Variants in RORA observed in about 807,000 individuals in gnomAD.
The protein encoded by RORA is RAR related orphan receptor A, also known as nuclear receptor ROR-alpha.
Under a neutral mutation model 69.5 loss-of-function variants are expected in RORA, and 7 were observed. The ratio of observed to expected loss-of-function variants is 0.10; its 90% CI spans 0.06 to 0.19. RORA has a LOEUF of 0.19. Among genes scored for constraint, RORA ranks in the 10% least tolerant of loss-of-function variants. The pLI, the probability that RORA is intolerant of heterozygous loss-of-function variation, is 1.00. For missense variants in RORA, 457 were observed against 663.0 expected (o/e 0.69, Z 3.41); for synonymous variants, 261 against 240.8 (o/e 1.08, Z -0.78).
At chr15:60,734,723 A>C (rs2071476139) in intron 1 of RORA, among the ~76,000 whole-genome samples, 1 of 152,228 alleles carries the variant, frequency 6.6e-6, no homozygotes, top group Non-Finnish European at 1.5e-5. Context: ...AACATGCTGC[A>C]GAAAGATACA....
At chr15:61,108,194 C>T (rs1347667410) in intron 1 of RORA, among the ~76,000 whole-genome samples, 1 of 152,088 alleles carries the variant, frequency 6.6e-6, no homozygotes, top group African/African-American at 2.4e-5. Flanking sequence ...TCCCTAGTAC[C>T]GATCCTGATC....
Position 60,505,601 on chromosome 15 carries a change from C to A in RORA, c.849G>T (p.Ser283=). The A allele has an allele frequency of 6.2e-7, 1 of 1,613,888 alleles. No homozygotes were observed. Among genetic ancestry groups the A allele is most frequent in the Non-Finnish European group, 8.5e-7 (1 of 1,179,884 alleles). Reference sequence around the variant, plus strand: ...TCAAGTATTGGCAGGTTTCCAGATGCGATTTAGATATATTCTGTGCAAGGT... The same window carrying A: ...TCAAGTATTGGCAGGTTTCCAGATGAGATTTAGATATATTCTGTGCAAGGT... ...LEHLAQNISK[S]HLETCQYLRE... Residue 283 remains serine, a synonymous_variant, in exon 6 of 11, where the codon TCG becomes TCT. Transcript: ENST00000335670.
At chr15:61,159,089 T>G (rs575735508) in intron 1 of RORA, among the ~76,000 whole-genome samples, 14 of 152,256 alleles carry the variant, frequency 9.2e-5, no homozygotes, top group African/African-American at 3.4e-4. Context: ...TAGACATAAC[T>G]AGACAAATCA....
intron 1 of RORA, among the ~76,000 whole-genome samples, chr15:60,971,271 C>T (rs1054281036): frequency 2.6e-5 from 4 of 152,178 alleles, no homozygotes; most frequent in Non-Finnish European, 5.9e-5. Context: ...CTGCCTTTCC[C>T]GATTTCCTCT....
At chr15:61,091,113 G>C (rs1595974787) in intron 1 of RORA, among the ~76,000 whole-genome samples, 1 of 152,140 alleles carries the variant, frequency 6.6e-6, no homozygotes, top group Non-Finnish European at 1.5e-5. Flanking sequence ...TCACTCATTA[G>C]TTCTTAATAA....
At chr15:61,187,311 C>A (rs1470048842) in intron 1 of RORA, among the ~76,000 whole-genome samples, 1 of 152,242 alleles carries the variant, frequency 6.6e-6, no homozygotes, top group Non-Finnish European at 1.5e-5. Flanking sequence ...CCGCCAGGCC[C>A]AAGTGGGGAA....
At chr15:60,983,282 T>C (rs375236513) in intron 1 of RORA, among the ~76,000 whole-genome samples, 5 of 152,210 alleles carry the variant, frequency 3.3e-5, no homozygotes, top group East Asian at 3.8e-4. Flanking sequence ...ATAGACTCTT[T>C]GTAGCAATAA....
chr15:60,678,624 A>C, intron 2 of RORA, 33 bp downstream of exon 2: 1 of 1,559,848 alleles, frequency 6.4e-7, no homozygotes, highest in Non-Finnish European at 8.8e-7. Flanking sequence ...ACTCTTCAGA[A>C]AACTTTGGAC....
chr15:60,758,802 T>C (rs1428239257), intron 1 of RORA, among the ~76,000 whole-genome samples: 1 of 152,148 alleles, frequency 6.6e-6, no homozygotes, highest in Non-Finnish European at 1.5e-5. Flanking sequence ...GCCAACTAAC[T>C]CTATAAAGTT....
intron 2 of RORA, among the ~76,000 whole-genome samples, chr15:60,643,733 T>G (rs569775896): frequency 1.1e-4 from 17 of 152,322 alleles, no homozygotes; most frequent in African/African-American, 3.8e-4. Flanking sequence ...CTATGAGCCT[T>G]TGAATGCTTA....
intron 1 of RORA, among the ~76,000 whole-genome samples, chr15:60,877,477 A>G (rs2073630813): frequency 6.6e-6 from 1 of 152,190 alleles, no homozygotes; most frequent in Admixed American, 6.5e-5. Context: ...TTCTCTTAAG[A>G]TAGGGTGTGA....
At chr15:61,106,631 A>G (rs1310430791) in intron 1 of RORA, among the ~76,000 whole-genome samples, 1 of 151,804 alleles carries the variant, frequency 6.6e-6, no homozygotes, top group Admixed American at 6.6e-5. Flanking sequence ...CTTCTCAAAC[A>G]TTGTCTATTT....
chr15:60,897,675 T>A (rs1891266468), intron 1 of RORA, among the ~76,000 whole-genome samples: 1 of 152,222 alleles, frequency 6.6e-6, no homozygotes, highest in Non-Finnish European at 1.5e-5. Context: ...CCCTATGACA[T>A]GTGAATTGTA....
At chr15:61,127,540 C>A (rs2079154214) in intron 1 of RORA, among the ~76,000 whole-genome samples, 1 of 152,198 alleles carries the variant, frequency 6.6e-6, no homozygotes, top group African/African-American at 2.4e-5. Context: ...ATCCCCTCTA[C>A]CCAAAGCTTT....
intron 1 of RORA, among the ~76,000 whole-genome samples, chr15:60,839,044 A>G (rs576857672): frequency 6.6e-6 from 1 of 151,944 alleles, no homozygotes; most frequent in African/African-American, 2.4e-5. Context: ...GCCCGCCACC[A>G]CACCCACCTG....
intron 3 of RORA, among the ~76,000 whole-genome samples, chr15:60,521,727 C>T (rs1312514267): frequency 2.0e-5 from 3 of 152,122 alleles, no homozygotes; most frequent in African/African-American, 7.2e-5. Flanking sequence ...ATTTTAAGTC[C>T]AGTGCCCTCT....
chr15:61,153,861 C>G (rs112739326), intron 1 of RORA, among the ~76,000 whole-genome samples: 18 of 152,350 alleles, frequency 1.2e-4, no homozygotes, highest in African/African-American at 4.1e-4. Flanking sequence ...CAGGCCGGAA[C>G]AGGACGCAGC....
At chr15:60,962,809 A>G (rs1001108629) in intron 1 of RORA, among the ~76,000 whole-genome samples, 4 of 152,208 alleles carry the variant, frequency 2.6e-5, no homozygotes, top group Non-Finnish European at 5.9e-5. Context: ...GGAAAACACA[A>G]GCCTTGCTCA....
At chr15:60,674,495 C>G (rs189735729) in intron 2 of RORA, among the ~76,000 whole-genome samples, 327 of 152,144 alleles carry the variant, frequency 2.1e-3, no homozygotes, top group Non-Finnish European at 3.3e-3. Context: ...TTAACCTATT[C>G]CATTTTAAAT....
Sources: gnomAD v4.1 joint callset for allele counts (sites outside exome capture counted in the v4.1 genomes callset) on GRCh38, gnomAD v4.1.1 for gene constraint, MANE v1.5 for transcripts, NCBI Gene and HGNC (gene_info 2026-07-23, HGNC 2026-07-21) for gene names.